Variants in PTPRK observed in about 807,000 individuals in gnomAD.
PTPRK encodes receptor-type tyrosine-protein phosphatase kappa.
In PTPRK, 75 loss-of-function variants were observed where a neutral mutation model predicts 178.0. The observed-to-expected ratio is 0.42, with a 90% confidence interval of 0.35 to 0.51. PTPRK has a LOEUF of 0.51. Ranked by LOEUF, PTPRK falls within the 20% of genes least tolerant of loss-of-function variation. PTPRK has a pLI of 0.02. For missense variants in PTPRK, 1,441 were observed against 1,797.8 expected (o/e 0.80, Z 3.59); for synonymous variants, 637 against 620.6 (o/e 1.03, Z -0.39).
chr6:128,294,057 C>G (rs933598707), intron 3 of PTPRK, among the ~76,000 whole-genome samples: 2 of 152,036 alleles, frequency 1.3e-5, no homozygotes, highest in African/African-American at 4.8e-5. Context: ...ACTTCCCCAT[C>G]TCCATCATAT....
chr6:128,307,202 CACAT>C (rs777825184), intron 3 of PTPRK, among the ~76,000 whole-genome samples: 9 of 149,066 alleles, frequency 6.0e-5, no homozygotes, highest in African/African-American at 2.2e-4. Flanking sequence ...CACACACACA[CACAT>C]AGACACACAC....
At chr6:128,206,608 G>A (rs1421433760) in intron 6 of PTPRK, among the ~76,000 whole-genome samples, 1 of 152,012 alleles carries the variant, frequency 6.6e-6, no homozygotes, top group African/African-American at 2.4e-5. Flanking sequence ...AAGTGTTAGA[G>A]ATTACTCTTT....
In PTPRK at chr6:128,490,144, C is replaced by CA. The variant is rs1024679435; in HGVS notation, c.100+30114dup. ...CTCTTTTCTTCTTCCTGTCCTTTCA[C>CA]AAAAAAAAATCTTTTCCAAAAGATG... is the stretch of plus-strand genomic sequence containing the variant. On this transcript the variant is annotated intron_variant, in intron 1 of 29. Transcript: ENST00000368226. Among the ~76,000 whole-genome samples, 18 of 151,088 alleles carry CA rather than the reference C, an allele frequency of 1.2e-4. 1 individual carries two copies. Among genetic ancestry groups the CA allele is most frequent in the Admixed American group, 2.6e-4 (4 of 15,182 alleles).
chr6:128,143,516 T>C (rs955706820), intron 7 of PTPRK, among the ~76,000 whole-genome samples: 1 of 152,182 alleles, frequency 6.6e-6, no homozygotes, highest in Non-Finnish European at 1.5e-5. Context: ...ATTACCACAA[T>C]GAGATGACTT....
Position 127,973,757 on chromosome 6 carries a change from C to T in PTPRK, c.4040G>A (p.Gly1347Glu), listed in dbSNP as rs771248561. 1.2e-6 allele frequency: 2 copies of T among 1,614,010 alleles called. No individual in the cohort carries two copies. Among genetic ancestry groups the T allele is most frequent in the Non-Finnish European group, 1.7e-6 (2 of 1,179,926 alleles). Reference protein sequence around the residue: ...LGWASHREVPGSKRSFLKLIL... With the variant: ...LGWASHREVPESKRSFLKLIL... ...CAGTTTCAAGAATGACCTTTTGGAT[C>T]CAGGCACTTCTCGATGAGAAGCCCA... Residue 1347 changes from glycine to glutamate, a missense_variant, in exon 28 of 30, where the codon GGA becomes GAA. Physicochemically the swap from Gly to Glu is moderately conservative, Grantham distance 98. Coordinates refer to ENST00000368226, the MANE Select transcript of PTPRK (RefSeq NM_002844.4).
Position 128,520,559 on chromosome 6 carries a change from G to A in PTPRK, c.-201C>T. The A allele has an allele frequency of 1.7e-6, 1 of 572,942 alleles. No homozygotes were observed. The highest frequency in any genetic ancestry group is 2.9e-5 in the East Asian group (1 of 34,662). 35.5% of individuals were successfully genotyped at this position (572,942 alleles called of 1,614,324 possible). On this transcript the variant is annotated 5_prime_UTR_variant, in exon 1 of 30. Transcript: ENST00000368226. ...TCGCCAGCGTCGCCGGCCGGCCGCG[G>A]CGGCAGCTCTCCATGCTCGGCGGAG... is the stretch of plus-strand genomic sequence containing the variant.
At chr6:128,140,888 G>A (rs1795675611) in intron 7 of PTPRK, among the ~76,000 whole-genome samples, 1 of 151,904 alleles carries the variant, frequency 6.6e-6, no homozygotes, top group Admixed American at 6.6e-5. Context: ...CAAAGATGAA[G>A]GAGGACTACA....
At chr6:128,008,265 A>G (rs932743831) in intron 14 of PTPRK, among the ~76,000 whole-genome samples, 2 of 151,136 alleles carry the variant, frequency 1.3e-5, no homozygotes, top group East Asian at 1.9e-4. Context: ...ATATTTTTCA[A>G]TAGAATTCAC....
intron 2 of PTPRK, among the ~76,000 whole-genome samples, chr6:128,375,966 G>A (rs1455008799): frequency 6.6e-6 from 1 of 152,112 alleles, no homozygotes; most frequent in Non-Finnish European, 1.5e-5. Context: ...CATGGTCTTG[G>A]GCAGTTCCAC....
chr6:128,009,031 T>C (rs766420997), intron 14 of PTPRK, 99 bp downstream of exon 14: 21 of 1,119,896 alleles, frequency 1.9e-5, no homozygotes, highest in Admixed American at 2.5e-5. Context: ...ATTTTCTTCC[T>C]GTTGTTTGTT....
intron 2 of PTPRK, among the ~76,000 whole-genome samples, chr6:128,341,252 ATAAT>A (rs1224564221): frequency 4.0e-5 from 6 of 151,632 alleles, no homozygotes; most frequent in South Asian, 4.1e-4. Context: ...TGATTAATAA[ATAAT>A]TATCTTAAGT....
chr6:127,973,304 A>G, intron 28 of PTPRK, 147 bp from the exon 29 acceptor site: 1 of 1,307,570 alleles, frequency 7.6e-7, no homozygotes, highest in South Asian at 1.5e-5. Flanking sequence ...TGTACAAGGC[A>G]GAGAGGAGAA....
intron 3 of PTPRK, among the ~76,000 whole-genome samples, chr6:128,289,946 C>T (rs1823103063): frequency 2.0e-5 from 3 of 152,062 alleles, no homozygotes; most frequent in Non-Finnish European, 2.9e-5. Flanking sequence ...AATGGCACTA[C>T]ATTTAGTAAC....
intron 2 of PTPRK, among the ~76,000 whole-genome samples, chr6:128,389,073 T>C (rs1839175203): frequency 6.6e-6 from 1 of 152,122 alleles, no homozygotes; most frequent in African/African-American, 2.4e-5. Context: ...CATGGCTAGG[T>C]GGAGACTTCA....
chr6:128,398,103 A>G (rs1035448453), intron 1 of PTPRK, among the ~76,000 whole-genome samples: 2 of 152,220 alleles, frequency 1.3e-5, no homozygotes, highest in African/African-American at 4.8e-5. Flanking sequence ...GCAGAGATTT[A>G]CTGAAAATGA....
intron 7 of PTPRK, among the ~76,000 whole-genome samples, chr6:128,174,509 A>C (rs1330888657): frequency 6.6e-6 from 1 of 151,946 alleles, no homozygotes; most frequent in Non-Finnish European, 1.5e-5. Context: ...TAGGAGGTTT[A>C]AGTGCATGTT....
chr6:128,273,784 G>C lies in PTPRK; in HGVS notation c.496-31182C>G, dbSNP rs570348087. Among the ~76,000 whole-genome samples, 5 of 152,286 alleles carry C rather than the reference G, an allele frequency of 3.3e-5. No individual in the cohort carries two copies. In the East Asian group the frequency reaches 9.6e-4, roughly 29 times the overall value. On this transcript the variant is annotated intron_variant, in intron 3 of 29. Transcript: ENST00000368226. Reference sequence around the variant, plus strand: ...AAGGATACATGGAAAATTAGTCAGTGCATAAGTCGCAATTTATCACTGTAA... The same window carrying C: ...AAGGATACATGGAAAATTAGTCAGTCCATAAGTCGCAATTTATCACTGTAA...
chr6:128,397,726 A>T, intron 1 of PTPRK, 38 bp from the exon 2 acceptor site: 1 of 1,602,170 alleles, frequency 6.2e-7, no homozygotes, highest in East Asian at 2.2e-5. Context: ...TTCTAAACAG[A>T]TTTTCCAAAC....
intron 1 of PTPRK, among the ~76,000 whole-genome samples, chr6:128,416,455 C>T (rs1842863185): frequency 6.6e-6 from 1 of 151,020 alleles, no homozygotes; most frequent in Non-Finnish European, 1.5e-5. Context: ...TCCTGGCTAA[C>T]ACGGTGAAAC....
Sources: gnomAD v4.1 joint callset for allele counts (sites outside exome capture counted in the v4.1 genomes callset) on GRCh38, gnomAD v4.1.1 for gene constraint, MANE v1.5 for transcripts, NCBI Gene and HGNC (gene_info 2026-07-23, HGNC 2026-07-21) for gene names.